HTR2B: variants seen among roughly 807,000 people sequenced by gnomAD.
HTR2B encodes the protein 5-hydroxytryptamine receptor 2B.
A neutral mutation model predicts 39.8 loss-of-function variants in HTR2B; 31 were observed. That is an observed-to-expected ratio of 0.78 (90% CI 0.58 to 1.05). The LOEUF (loss-of-function observed/expected upper bound fraction) is 1.05, where lower values mean the gene tolerates loss of function less well. Ranked by LOEUF, HTR2B falls within the 50% of genes least tolerant of loss-of-function variation. The pLI, the probability that HTR2B is intolerant of heterozygous loss-of-function variation, is 0.00. For synonymous variants in HTR2B, 210 were observed against 207.1 expected (o/e 1.01, Z -0.12); for missense variants, 562 against 578.0 (o/e 0.97, Z 0.28).
chr2:231,114,062 T>C (rs1695251320), intron 2 of HTR2B, 133 bp from the exon 3 acceptor site: 3 of 715,528 alleles, frequency 4.2e-6, no homozygotes, highest in African/African-American at 1.8e-5. Context: ...CAACATAATG[T>C]TTAACTTCAG....
rs1184329236 is a variant in HTR2B at position 231,111,871 on chromosome 2, G to A, written c.553+1858C>T. Among the ~76,000 whole-genome samples the A allele has an allele frequency of 2.6e-5, 4 of 152,226 alleles. No individual in the cohort carries two copies. In the East Asian group the frequency reaches 5.8e-4, roughly 22 times the overall value. ...GCATCACTCATCACTTTGTGTTAGT[G>A]TAATTTGTTTATATGTCCGCCTTTC... On this transcript the variant is annotated intron_variant, in intron 3 of 3. Coordinates refer to ENST00000258400, the MANE Select transcript of HTR2B (RefSeq NM_000867.5).
chr2:231,118,898 C>T (rs1412625261), intron 2 of HTR2B, among the ~76,000 whole-genome samples: 2 of 152,164 alleles, frequency 1.3e-5, no homozygotes, highest in Non-Finnish European at 1.5e-5. Context: ...ATCATAAATA[C>T]TTCTTATGTC....
At chr2:231,115,680 T>C (rs1695306621) in intron 2 of HTR2B, among the ~76,000 whole-genome samples, 1 of 152,096 alleles carries the variant, frequency 6.6e-6, no homozygotes, top group Non-Finnish European at 1.5e-5. Flanking sequence ...TGCAGATGAG[T>C]AAATTCAGGT....
chr2:231,117,894 A>T (rs1476345845), intron 2 of HTR2B, among the ~76,000 whole-genome samples: 1 of 152,164 alleles, frequency 6.6e-6, no homozygotes, highest in African/African-American at 2.4e-5. Flanking sequence ...TGATCCTCTG[A>T]ACAGTTACAT....
intron 2 of HTR2B, among the ~76,000 whole-genome samples, chr2:231,121,626 T>C (rs1695547259): frequency 6.6e-6 from 1 of 152,186 alleles, no homozygotes; most frequent in Non-Finnish European, 1.5e-5. Flanking sequence ...GGTAAATCTT[T>C]GTTACCTGTT....
intron 2 of HTR2B, among the ~76,000 whole-genome samples, chr2:231,117,578 A>G (rs889808938): frequency 1.3e-5 from 2 of 152,170 alleles, no homozygotes; most frequent in Non-Finnish European, 2.9e-5. Context: ...TCTAAAGAAT[A>G]TCAGTAGCAC....
chr2:231,114,249 G>A (rs904517777), intron 2 of HTR2B, among the ~76,000 whole-genome samples: 5 of 152,024 alleles, frequency 3.3e-5, no homozygotes, highest in African/African-American at 1.2e-4. Context: ...AATTTATGTA[G>A]TATTGTGACT....
chr2:231,123,505 T>C lies in HTR2B; in HGVS notation c.260A>G (p.Tyr87Cys), dbSNP rs1350214527. Residue 87 changes from tyrosine (Y) to cysteine (C), a missense_variant, in exon 2 of 4, where the codon TAT becomes TGT. Transcript: ENST00000258400. ...LAVSLEKKLQ[Y>C]ATNYFLMSLA... ...GGACATTAGAAAGTAATTAGTAGCA[T>C]ACTGCAGCTTCTTCTCCAGTGAAAC... 5.0e-6 allele frequency: 8 copies of C among 1,614,054 alleles called. No homozygotes were observed. Among genetic ancestry groups the C allele is most frequent in the Admixed American group, 1.7e-5 (1 of 60,026 alleles).
At chr2:231,121,436 A>G (rs1398663606) in intron 2 of HTR2B, among the ~76,000 whole-genome samples, 2 of 152,218 alleles carry the variant, frequency 1.3e-5, no homozygotes, top group Non-Finnish European at 2.9e-5. Flanking sequence ...TAAAATGTCT[A>G]TCAATTATTT....
At position 231,109,063 on chromosome 2, in the gene HTR2B, T is replaced by G. The variant is rs1695064009; in HGVS notation, c.900A>C (p.Thr300=). The change falls in exon 4 of 4, where the codon ACA becomes ACC. Residue 300 remains threonine, a synonymous_variant. Coordinates refer to ENST00000258400, the MANE Select transcript of HTR2B (RefSeq NM_000867.5). ...CAATTGTGGATGTTCTTCGCATAAG[T>G]GTTTCATCACCTGAGTTGGGCAGAG... ...DKALPNSGDE[T]LMRRTSTIGK... is the part of the protein sequence containing the mutation. 1 of 1,614,104 alleles carries G rather than the reference T, an allele frequency of 6.2e-7. No homozygotes were observed. Among genetic ancestry groups the G allele is most frequent in the South Asian group, 1.1e-5 (1 of 91,090 alleles).
At chr2:231,112,808 T>G (rs1695198427) in intron 3 of HTR2B, among the ~76,000 whole-genome samples, 1 of 151,696 alleles carries the variant, frequency 6.6e-6, no homozygotes, top group Non-Finnish European at 1.5e-5. Context: ...AGGATTTCTT[T>G]TATACATAAT....
chr2:231,110,773 T>C (rs971679472), intron 3 of HTR2B, among the ~76,000 whole-genome samples: 21 of 152,394 alleles, frequency 1.4e-4, no homozygotes, highest in African/African-American at 3.6e-4. Flanking sequence ...AAAAGTTTTA[T>C]TGGCATACTG....
chr2:231,115,436 A>G lies in HTR2B; in HGVS notation c.353-1507T>C, dbSNP rs560143778. ...AATATTTCTTCCTAGGAACAAAATA[A>G]CAAAATCAGCACAAACTTTTACTCA... On this transcript the variant is annotated intron_variant, in intron 2 of 3. Transcript: ENST00000258400. Among the ~76,000 whole-genome samples the G allele has an allele frequency of 9.2e-5, 14 of 152,302 alleles. No individual in the cohort carries two copies. The South Asian group carries it at 2.7e-3, about 29-fold the overall frequency.
rs747380304 is a variant in HTR2B at position 231,109,163 on chromosome 2, A to G, written c.800T>C (p.Val267Ala). ...QRLTWLTVST[V>A]FQRDETPCSS... Reference sequence around the variant, plus strand: ...GCAAGGTGTTTCATCCCTTTGGAAAACTGTAGACACAGTCAACCATGTTAG... The same window carrying G: ...GCAAGGTGTTTCATCCCTTTGGAAAGCTGTAGACACAGTCAACCATGTTAG... The change falls in exon 4 of 4, where the codon GTT becomes GCT. Residue 267 changes from valine (V) to alanine (A), a missense_variant. Coordinates refer to ENST00000258400, the MANE Select transcript of HTR2B (RefSeq NM_000867.5). The G allele has an allele frequency of 4.3e-6, 7 of 1,614,136 alleles. No homozygotes were observed. Among genetic ancestry groups the G allele is most frequent in the Non-Finnish European group, 5.9e-6 (7 of 1,180,030 alleles).
At chr2:231,120,247 C>A (rs1695491595) in intron 2 of HTR2B, among the ~76,000 whole-genome samples, 1 of 152,194 alleles carries the variant, frequency 6.6e-6, no homozygotes, top group South Asian at 2.1e-4. Context: ...CCACCGTGCC[C>A]AGCCTCCCCT....
chr2:231,122,158 G>A (rs1695567461), intron 2 of HTR2B, among the ~76,000 whole-genome samples: 1 of 152,078 alleles, frequency 6.6e-6, no homozygotes, highest in Non-Finnish European at 1.5e-5. Context: ...TTAATTATTA[G>A]AAAGTCTAAT....
In HTR2B at chr2:231,108,791, A is replaced by G; in HGVS notation, c.1172T>C (p.Phe391Ser). The G allele has an allele frequency of 6.2e-7, 1 of 1,614,170 alleles. No homozygotes were observed. Among genetic ancestry groups the G allele is most frequent in the Non-Finnish European group, 8.5e-7 (1 of 1,180,032 alleles). The part of the protein sequence containing the change: ...TLFNKTFRDA[F>S]GRYITCNYRA... Reference sequence around the variant, plus strand: ...GTAATTGCAGGTGATATATCGGCCAAATGCATCCCGAAATGTCTTATTGAA... The same window carrying G: ...GTAATTGCAGGTGATATATCGGCCAGATGCATCCCGAAATGTCTTATTGAA... The change falls in exon 4 of 4, where the codon TTT (phenylalanine) becomes TCT (serine). Residue 391 changes from phenylalanine to serine, a missense_variant. Transcript: ENST00000258400.
chr2:231,113,921 A>G lies in HTR2B; in HGVS notation c.361T>C (p.Trp121Arg), dbSNP rs1443488250. The G allele has an allele frequency of 4.3e-6, 7 of 1,613,770 alleles. No individual in the cohort carries two copies. Among genetic ancestry groups the G allele is most frequent in the East Asian group, 2.2e-5 (1 of 44,868 alleles). The change falls in exon 3 of 4, where the codon TGG becomes CGG. Residue 121 changes from tryptophan to arginine, a missense_variant. Transcript: ENST00000258400. ...GGACATAGAACAAGTGGGAGGGGCC[A>G]CATAGCCTCTGAAAGAAACAAAAAC... ...ALLTIMFEAM[W>R]PLPLVLCPAW...
intron 2 of HTR2B, among the ~76,000 whole-genome samples, chr2:231,118,141 T>C (rs1695406731): frequency 6.6e-6 from 1 of 151,860 alleles, no homozygotes; most frequent in East Asian, 1.9e-4. Flanking sequence ...ACCTGTTTTA[T>C]AGGATTTCTT....
Sources: gnomAD v4.1 joint callset for allele counts (sites outside exome capture counted in the v4.1 genomes callset) on GRCh38, gnomAD v4.1.1 for gene constraint, MANE v1.5 for transcripts, NCBI Gene and HGNC (gene_info 2026-07-23, HGNC 2026-07-21) for gene names.